CSNK1A1: variants seen among roughly 807,000 people sequenced by gnomAD.
CSNK1A1 encodes the protein casein kinase 1 alpha 1, also known as casein kinase I isoform alpha.
Under a neutral mutation model 46.1 loss-of-function variants are expected in CSNK1A1, and 7 were observed. That is an observed-to-expected ratio of 0.15 (90% CI 0.09 to 0.29). The LOEUF is 0.29. Ranked by LOEUF, CSNK1A1 falls within the 10% of genes least tolerant of loss-of-function variation. The probability of loss-of-function intolerance (pLI) is 1.00; values close to 1 mark genes in which losing one functional copy is unlikely to be tolerated. For synonymous variants in CSNK1A1, 137 were observed against 141.5 expected (o/e 0.97, Z 0.23); for missense variants, 96 against 417.1 (o/e 0.23, Z 6.71).
At chr5:149,518,825 A>G (rs979392920) in intron 4 of CSNK1A1, among the ~76,000 whole-genome samples, 1 of 152,022 alleles carries the variant, frequency 6.6e-6, no homozygotes, top group South Asian at 2.1e-4. Context: ...GCAAAGTGAT[A>G]TCTAGGTCAT....
chr5:149,536,667 G>GA (rs1449818575), intron 2 of CSNK1A1, among the ~76,000 whole-genome samples: 1 of 152,178 alleles, frequency 6.6e-6, no homozygotes, highest in Non-Finnish European at 1.5e-5. Flanking sequence ...CAACCTCAAA[G>GA]AAAGAAAAGA....
rs1245984444 is a variant in CSNK1A1, at chr5:149,511,908, A to C, written c.597-36T>G. ...GAACGTAATTTTATAAACTGGAACT[A>C]TTATTATGAAAAAACATATGAAAGA... On this transcript the variant is annotated intron_variant, in intron 5 of 9. Transcript: ENST00000377843. The C allele has an allele frequency of 2.0e-6, 3 of 1,477,118 alleles. No homozygotes were observed. In the African/African-American group the frequency reaches 4.2e-5, roughly 21 times the overall value. 91.5% of individuals were successfully genotyped at this position (1,477,118 alleles called of 1,614,324 possible).
chr5:149,505,179 TA>T, intron 9 of CSNK1A1: 4 of 1,100,372 alleles, frequency 3.6e-6, no homozygotes, highest in Non-Finnish European at 2.2e-6. Flanking sequence ...ATGCAGTTGT[TA>T]AAAAAATGAC....
At chr5:149,512,023 A>G (rs1176564888) in intron 5 of CSNK1A1, among the ~76,000 whole-genome samples, 151 bp from the exon 6 acceptor site, 1 of 152,182 alleles carries the variant, frequency 6.6e-6, no homozygotes, top group Non-Finnish European at 1.5e-5. Flanking sequence ...AGGTGATTTT[A>G]AAAAGTTCAT....
intron 2 of CSNK1A1, among the ~76,000 whole-genome samples, chr5:149,542,225 T>C (rs1330777465): frequency 6.6e-6 from 1 of 151,928 alleles, no homozygotes; most frequent in East Asian, 1.9e-4. Flanking sequence ...GCATTCCTTA[T>C]GAGAATCTAA....
chr5:149,506,831 C>T (rs1761048283), intron 8 of CSNK1A1, among the ~76,000 whole-genome samples, 196 bp downstream of exon 8: 1 of 152,206 alleles, frequency 6.6e-6, no homozygotes, highest in Non-Finnish European at 1.5e-5. Flanking sequence ...TCTCTATCCA[C>T]TCCAAACTAA....
intron 9 of CSNK1A1, chr5:149,501,337 T>C (rs1760848324): frequency 1.0e-6 from 1 of 985,196 alleles, no homozygotes; most frequent in East Asian, 1.1e-4. Context: ...TAGAATTGAG[T>C]GTATTCAGAG....
At chr5:149,513,835 G>A (rs910949879) in intron 4 of CSNK1A1, among the ~76,000 whole-genome samples, 1 of 151,822 alleles carries the variant, frequency 6.6e-6, no homozygotes, top group Non-Finnish European at 1.5e-5. Context: ...GGGAGGCAGA[G>A]GTTGCAGTGA....
At chr5:149,500,692 G>C (rs1297720488) in intron 9 of CSNK1A1, among the ~76,000 whole-genome samples, 1 of 151,906 alleles carries the variant, frequency 6.6e-6, no homozygotes, top group Non-Finnish European at 1.5e-5. Context: ...CCTCAAAAAT[G>C]CTGGGATTAT....
chr5:149,545,840 G>A (rs1033984315), intron 2 of CSNK1A1: 4 of 383,478 alleles, frequency 1.0e-5, no homozygotes, highest in Non-Finnish European at 1.9e-5. Flanking sequence ...GCCTAGAACC[G>A]GAAGCTTCAT....
chr5:149,548,804 G>A (rs1388351697), intron 2 of CSNK1A1, among the ~76,000 whole-genome samples: 2 of 152,210 alleles, frequency 1.3e-5, no homozygotes, highest in Admixed American at 1.3e-4. Flanking sequence ...AGCCAAGATC[G>A]TGCCATTCAT....
At chr5:149,531,607 G>C (rs1461893574) in intron 2 of CSNK1A1, among the ~76,000 whole-genome samples, 1 of 151,884 alleles carries the variant, frequency 6.6e-6, no homozygotes, top group Non-Finnish European at 1.5e-5. Flanking sequence ...CAGCACTTTG[G>C]GAGGCTGAGG....
chr5:149,529,299 A>G (rs1378808200), intron 2 of CSNK1A1, among the ~76,000 whole-genome samples: 1 of 152,198 alleles, frequency 6.6e-6, no homozygotes, highest in Admixed American at 6.5e-5. Context: ...CAGCATAAAA[A>G]AAGTATCTAA....
At chr5:149,518,799 G>C (rs200781965) in intron 4 of CSNK1A1, among the ~76,000 whole-genome samples, 2 of 151,928 alleles carry the variant, frequency 1.3e-5, no homozygotes, top group South Asian at 2.1e-4. Context: ...AGGGGGTTGT[G>C]GGGGAGGGGG....
intron 9 of CSNK1A1, chr5:149,501,648 G>A (rs1052425255): frequency 5.1e-6 from 5 of 985,008 alleles, no homozygotes; most frequent in Admixed American, 6.2e-5. Flanking sequence ...TAAACAGATG[G>A]GTTAAGATGA....
chr5:149,531,565 G>A (rs1761898794), intron 2 of CSNK1A1, among the ~76,000 whole-genome samples: 1 of 150,718 alleles, frequency 6.6e-6, no homozygotes, highest in South Asian at 2.1e-4. Context: ...AATCAATTTT[G>A]AGCCAGGTGC....
At chr5:149,538,685 G>A (rs1056803975) in intron 2 of CSNK1A1, among the ~76,000 whole-genome samples, 1 of 152,150 alleles carries the variant, frequency 6.6e-6, no homozygotes, top group Non-Finnish European at 1.5e-5. Context: ...CACTTTGGGA[G>A]GCCAAGGCAG....
Position 149,516,342 on chromosome 5 carries a change from C to T in CSNK1A1, c.457-3133G>A, listed in dbSNP as rs1761402654. On this transcript the variant is annotated intron_variant, in intron 4 of 9. Transcript: ENST00000377843. Reference sequence around the variant, plus strand: ...CCGTCTCAAAACAAAACAAAAAAACCCCCCAAAAAAAACAAAAAATAAAAC... The same window carrying T: ...CCGTCTCAAAACAAAACAAAAAAACTCCCCAAAAAAAACAAAAAATAAAAC... Among the ~76,000 whole-genome samples the T allele has an allele frequency of 3.5e-5, 3 of 84,640 alleles. No homozygotes were observed. In the East Asian group the frequency reaches 0.041, roughly 1,144 times the overall value. The allele number at this position is 84,640 out of a possible 152,430, so 55.5% of individuals were successfully genotyped here.
chr5:149,523,416 A>G (rs542727769), intron 3 of CSNK1A1, among the ~76,000 whole-genome samples: 68 of 152,304 alleles, frequency 4.5e-4, no homozygotes, highest in African/African-American at 1.6e-3. Flanking sequence ...TGGCATTATT[A>G]TAGCTCACTG....
Sources: gnomAD v4.1 joint callset for allele counts (sites outside exome capture counted in the v4.1 genomes callset) on GRCh38, gnomAD v4.1.1 for gene constraint, MANE v1.5 for transcripts, NCBI Gene and HGNC (gene_info 2026-07-23, HGNC 2026-07-21) for gene names.